PAFAH1B2: variants seen among roughly 807,000 people sequenced by gnomAD.
PAFAH1B2 encodes platelet-activating factor acetylhydrolase IB subunit alpha2.
A neutral mutation model predicts 28.0 loss-of-function variants in PAFAH1B2; 8 were observed. The observed-to-expected ratio is 0.29, with a 90% confidence interval of 0.17 to 0.52. The LOEUF (loss-of-function observed/expected upper bound fraction) is 0.52. Among genes scored for constraint, PAFAH1B2 ranks in the 20% least tolerant of loss-of-function variants. The probability of loss-of-function intolerance (pLI) is 0.97; values close to 1 mark genes in which losing one functional copy is unlikely to be tolerated. For missense variants in PAFAH1B2, 190 were observed against 282.6 expected (o/e 0.67, Z 2.35); for synonymous variants, 104 against 103.2 (o/e 1.01, Z -0.05).
At position 117,171,034 on chromosome 11, in the gene PAFAH1B2, C is replaced by G; in HGVS notation, c.*3335C>G. 1.5e-5 allele frequency: 15 copies of G among 1,031,892 alleles called. No individual in the cohort carries two copies. The highest frequency in any genetic ancestry group is 1.7e-5 in the Non-Finnish European group (15 of 858,016). The allele number at this position is 1,031,892 out of a possible 1,614,324, so 63.9% of individuals were successfully genotyped here. On this transcript the variant is annotated 3_prime_UTR_variant, in exon 6 of 6. Coordinates refer to ENST00000527958, the MANE Select transcript of PAFAH1B2 (RefSeq NM_002572.4). ...GTGTATATTTCAATATAAATGTAAA[C>G]ATTTTGCTCAATTTGCTGGTGTCTT... is the stretch of plus-strand genomic sequence containing the variant.
rs138768232 is a variant in PAFAH1B2 at position 117,164,808 on chromosome 11, G to A, written c.411+916G>A. Among the ~76,000 whole-genome samples, 966 of 151,996 alleles carry A rather than the reference G, an allele frequency of 6.4e-3. 7 individuals are homozygous for A. Among genetic ancestry groups the A allele is most frequent in the African/African-American group, 0.022 (905 of 41,476 alleles). Reference sequence around the variant, plus strand: ...CCCAGCACTTTGGGAGGCCGAGGCGGGTGGATCACAAGGTCAGGATTTCAA... The same window carrying A: ...CCCAGCACTTTGGGAGGCCGAGGCGAGTGGATCACAAGGTCAGGATTTCAA... On this transcript the variant is annotated intron_variant, in intron 5 of 5. Coordinates refer to ENST00000527958, the MANE Select transcript of PAFAH1B2 (RefSeq NM_002572.4).
intron 2 of PAFAH1B2, among the ~76,000 whole-genome samples, chr11:117,155,998 A>AAC (rs1326462432): frequency 1.3e-5 from 2 of 152,116 alleles, no homozygotes. Flanking sequence ...CAGCCTAGGA[A>AAC]ACACACCAAG....
At chr11:117,162,996 T>G in intron 4 of PAFAH1B2, among the ~76,000 whole-genome samples, 1 of 152,140 alleles carries the variant, frequency 6.6e-6, no homozygotes, top group East Asian at 1.9e-4. Flanking sequence ...CTGGCCAGGT[T>G]TTATTTTTAT....
Position 117,152,436 on chromosome 11 carries a change from C to T in PAFAH1B2, c.-7-5C>T. Reference sequence around the variant, plus strand: ...ATGAAACATGACATAGACGTTTTTTCTCAGGTGTAGAATGAGCCAAGGAGA... The same window carrying T: ...ATGAAACATGACATAGACGTTTTTTTTCAGGTGTAGAATGAGCCAAGGAGA... On this transcript the variant is annotated splice_region_variant and splice_polypyrimidine_tract_variant and intron_variant, in intron 1 of 5. Coordinates refer to ENST00000527958, the MANE Select transcript of PAFAH1B2 (RefSeq NM_002572.4). 1 of 1,597,786 alleles carries T rather than the reference C, an allele frequency of 6.3e-7. No homozygotes were observed. The highest frequency in any genetic ancestry group is 8.6e-7 in the Non-Finnish European group (1 of 1,166,166).
chr11:117,163,226 A>G (rs967690160), intron 4 of PAFAH1B2, among the ~76,000 whole-genome samples: 6 of 151,984 alleles, frequency 3.9e-5, no homozygotes, highest in African/African-American at 9.7e-5. Context: ...TGGGAGGCCA[A>G]AGAAAGATGG....
chr11:117,176,046 G>A (rs551709376), exon 6 of PAFAH1B2: 27 of 855,918 alleles, frequency 3.2e-5, no homozygotes, highest in Non-Finnish European at 4.7e-5. Flanking sequence ...CCATCCTGAG[G>A]ATTCTCTGAT....
At chr11:117,175,130 C>A, downstream of PAFAH1B2, 3 of 1,226,474 alleles carry the variant, frequency 2.4e-6, no homozygotes, top group South Asian at 5.4e-5. Flanking sequence ...GTCAAATAAG[C>A]CTTATGGCCC....
chr11:117,161,890 G>A (rs1956380124), intron 4 of PAFAH1B2, among the ~76,000 whole-genome samples: 1 of 152,134 alleles, frequency 6.6e-6, no homozygotes, highest in African/African-American at 2.4e-5. Flanking sequence ...AAACTGCTCA[G>A]AGGTGGGCCA....
At chr11:117,173,339 T>C (rs1263842932), downstream of PAFAH1B2, among the ~76,000 whole-genome samples, 1 of 152,214 alleles carries the variant, frequency 6.6e-6, no homozygotes, top group Non-Finnish European at 1.5e-5. Context: ...TTGTCTCTCT[T>C]CCTGTTCTTT....
Position 117,168,762 on chromosome 11 carries a change from A to T in PAFAH1B2, c.*1063A>T, listed in dbSNP as rs1224808785. On this transcript the variant is annotated 3_prime_UTR_variant, in exon 6 of 6. Transcript: ENST00000527958. Reference sequence around the variant, plus strand: ...CAAGTTTTATAATATCTTAAGGTGTATATTTTATTTTTTTTATTGGCTTAG... The same window carrying T: ...CAAGTTTTATAATATCTTAAGGTGTTTATTTTATTTTTTTTATTGGCTTAG... 6 of 1,026,182 alleles carry T rather than the reference A, an allele frequency of 5.8e-6. No individual in the cohort carries two copies. Among genetic ancestry groups the T allele is most frequent in the Non-Finnish European group, 7.1e-6 (6 of 847,728 alleles). 63.6% of individuals were successfully genotyped at this position (1,026,182 alleles called of 1,614,324 possible).
chr11:117,158,975 A>T (rs1420362406), intron 2 of PAFAH1B2, among the ~76,000 whole-genome samples: 1 of 152,192 alleles, frequency 6.6e-6, no homozygotes, highest in African/African-American at 2.4e-5. Flanking sequence ...TACTCTTAGG[A>T]GATGCTTGCT....
At chr11:117,149,354 A>T (rs1233516333) in intron 1 of PAFAH1B2, among the ~76,000 whole-genome samples, 1 of 151,150 alleles carries the variant, frequency 6.6e-6, no homozygotes, top group Non-Finnish European at 1.5e-5. Flanking sequence ...AAGTGCTGAG[A>T]TTATAAGTGT....
chr11:117,167,342 A>C, intron 5 of PAFAH1B2, 79 bp from the exon 6 acceptor site: 1 of 1,369,098 alleles, frequency 7.3e-7, no homozygotes, highest in Non-Finnish European at 9.8e-7. Context: ...GAGATGTTCC[A>C]GGAATATCTG....
chr11:117,155,510 GAGAA>G (rs1026982084), intron 2 of PAFAH1B2, among the ~76,000 whole-genome samples: 18 of 152,220 alleles, frequency 1.2e-4, no homozygotes, highest in South Asian at 2.1e-4. Flanking sequence ...ACATTAGGAA[GAGAA>G]AGAAAGAGAA....
chr11:117,168,140 C>T lies in PAFAH1B2; in HGVS notation c.*441C>T. On this transcript the variant is annotated 3_prime_UTR_variant, in exon 6 of 6. Coordinates refer to ENST00000527958, the MANE Select transcript of PAFAH1B2 (RefSeq NM_002572.4). ...AATTTTTTTAAGGTTCATAATTTAG[C>T]CTTTTGTTTTTATGTTGCTTAGATT... is the stretch of plus-strand genomic sequence containing the variant. 9.5e-7 allele frequency: 1 copy of T among 1,050,868 alleles called. No individual in the cohort carries two copies. The allele number at this position is 1,050,868 out of a possible 1,614,324, so 65.1% of individuals were successfully genotyped here. A position where few individuals can be genotyped will look rare whatever the true frequency, so the allele number is the denominator to read the frequency against.
intron 1 of PAFAH1B2, among the ~76,000 whole-genome samples, 172 bp downstream of exon 1, chr11:117,144,590 C>T (rs1955948530): frequency 6.6e-6 from 1 of 152,024 alleles, no homozygotes; most frequent in Non-Finnish European, 1.5e-5. Flanking sequence ...GCCTTCTCTG[C>T]GGGCCCAGCG....
At chr11:117,160,536 C>CA (rs1956350489) in intron 3 of PAFAH1B2, among the ~76,000 whole-genome samples, 1 of 152,144 alleles carries the variant, frequency 6.6e-6, no homozygotes, top group Admixed American at 6.5e-5. Flanking sequence ...GGCTGGAGTG[C>CA]AGTGGCACAA....
chr11:117,152,277 A>T (rs560904064), intron 1 of PAFAH1B2, among the ~76,000 whole-genome samples, 164 bp from the exon 2 acceptor site: 4 of 152,210 alleles, frequency 2.6e-5, no homozygotes, highest in African/African-American at 4.8e-5. Flanking sequence ...ATGTTCTGCA[A>T]TTCATCTCTA....
At chr11:117,150,711 C>G (rs1379481212) in intron 1 of PAFAH1B2, among the ~76,000 whole-genome samples, 1 of 152,168 alleles carries the variant, frequency 6.6e-6, no homozygotes, top group East Asian at 1.9e-4. Context: ...GAAAGCTTAG[C>G]TGTATTTGAG....
Sources: gnomAD v4.1 joint callset for allele counts (sites outside exome capture counted in the v4.1 genomes callset) on GRCh38, gnomAD v4.1.1 for gene constraint, MANE v1.5 for transcripts, NCBI Gene and HGNC (gene_info 2026-07-23, HGNC 2026-07-21) for gene names.